Variants in RCAN2 observed in about 807,000 individuals in gnomAD.
The protein encoded by RCAN2 is regulator of calcineurin 2, also known as calcipressin-2.
A neutral mutation model predicts 23.6 loss-of-function variants in RCAN2; 9 were observed. The observed-to-expected ratio is 0.38, with a 90% CI of 0.23 to 0.67. The LOEUF (loss-of-function observed/expected upper bound fraction) is 0.67. RCAN2 is among the 30% of genes least tolerant of loss of function. RCAN2 has a pLI of 0.51. For missense variants in RCAN2, 273 were observed against 302.3 expected (o/e 0.90, Z 0.72); for synonymous variants, 109 against 115.7 (o/e 0.94, Z 0.37).
intron 1 of RCAN2, among the ~76,000 whole-genome samples, chr6:46,484,102 AAAAT>A (rs1392497909): frequency 6.6e-6 from 1 of 152,248 alleles, no homozygotes; most frequent in Non-Finnish European, 1.5e-5. Flanking sequence ...TACAGAAGTC[AAAAT>A]AAATAATCAA....
chr6:46,342,042 C>T (rs1209450404), intron 2 of RCAN2, among the ~76,000 whole-genome samples: 1 of 152,054 alleles, frequency 6.6e-6, no homozygotes, highest in Non-Finnish European at 1.5e-5. Context: ...TGGAGGGCAC[C>T]TTTGGAAATA....
At chr6:46,253,587 TA>T (rs887761919) in intron 2 of RCAN2, among the ~76,000 whole-genome samples, 1 of 152,200 alleles carries the variant, frequency 6.6e-6, no homozygotes, top group Non-Finnish European at 1.5e-5. Context: ...GTTAAAGGGT[TA>T]AAAAAATGAA....
At chr6:46,267,853 CAGA>C (rs1409131735) in intron 2 of RCAN2, among the ~76,000 whole-genome samples, 17 of 151,938 alleles carry the variant, frequency 1.1e-4, no homozygotes, top group Admixed American at 2.0e-4. Flanking sequence ...TTAAGAAAAT[CAGA>C]AGATGTTATA....
chr6:46,427,805 T>C (rs1767075600), intron 2 of RCAN2, among the ~76,000 whole-genome samples: 1 of 152,230 alleles, frequency 6.6e-6, no homozygotes, highest in Non-Finnish European at 1.5e-5. Flanking sequence ...AAGCGTAAGT[T>C]TATGGCAGAC....
intron 2 of RCAN2, among the ~76,000 whole-genome samples, chr6:46,314,449 G>T (rs1440944981): frequency 6.6e-6 from 1 of 150,980 alleles, no homozygotes; most frequent in Non-Finnish European, 1.5e-5. Context: ...AGCCAGAGTA[G>T]GTGTGTAGGT....
At chr6:46,305,872 C>A (rs1279529497) in intron 2 of RCAN2, among the ~76,000 whole-genome samples, 2 of 151,492 alleles carry the variant, frequency 1.3e-5, no homozygotes, top group Non-Finnish European at 2.9e-5. Context: ...GTGAACAAGT[C>A]ATTGGCCCGA....
In RCAN2 at chr6:46,221,603, C is replaced by G. The variant is rs530638031; in HGVS notation, c.*1538G>C. 2.9e-4 allele frequency: 70 copies of G among 242,744 alleles called. No homozygotes were observed. The highest frequency in any genetic ancestry group is 4.9e-4 in the Non-Finnish European group (63 of 127,672). The allele number at this position is 242,744 out of a possible 1,614,324, so 15.0% of individuals were successfully genotyped here. A position where few individuals can be genotyped will look rare whatever the true frequency, so the allele number is the denominator to read the frequency against. Reference sequence around the variant, plus strand: ...CTATATTGCTATATTCACAGTAAAACGGACTTTAATTTCTGAGTGATCAGT... The same window carrying G: ...CTATATTGCTATATTCACAGTAAAAGGGACTTTAATTTCTGAGTGATCAGT... On this transcript the variant is annotated 3_prime_UTR_variant, in exon 5 of 5. Transcript: ENST00000371374.
rs139978711 is a variant in RCAN2, at chr6:46,485,001, G to A, written c.-3+6172C>T. On this transcript the variant is annotated intron_variant, in intron 1 of 4. Coordinates refer to ENST00000371374, the MANE Select transcript of RCAN2 (RefSeq NM_001251974.2). The stretch of plus-strand genomic sequence containing the variant: ...GTGGGAAAGTTCATTAGTATAACCC[G>A]CTAAAAAAACAATTAAAAGCAATGT... 2.3e-3 allele frequency among the ~76,000 whole-genome samples: 352 copies of A among 152,088 alleles called. 1 individual carries two copies. Among genetic ancestry groups the A allele is most frequent in the African/African-American group, 7.1e-3 (295 of 41,486 alleles).
intron 2 of RCAN2, among the ~76,000 whole-genome samples, chr6:46,347,737 A>G (rs1411916006): frequency 1.4e-5 from 2 of 143,488 alleles, no homozygotes; most frequent in Non-Finnish European, 3.1e-5. Flanking sequence ...ATTTCTGCCA[A>G]AACAGAAACA....
chr6:46,305,165 C>T (rs182712410), intron 2 of RCAN2, among the ~76,000 whole-genome samples: 3 of 152,210 alleles, frequency 2.0e-5, no homozygotes, highest in Admixed American at 6.5e-5. Flanking sequence ...GACTTCTCCG[C>T]GGACACAAAG....
At chr6:46,467,601 T>C (rs1582226512) in intron 1 of RCAN2, among the ~76,000 whole-genome samples, 3 of 152,270 alleles carry the variant, frequency 2.0e-5, no homozygotes, top group Admixed American at 2.0e-4. Context: ...AGTGTGAACT[T>C]TGAAGTTGGT....
chr6:46,407,217 C>G (rs928809194), intron 2 of RCAN2, among the ~76,000 whole-genome samples: 1 of 152,212 alleles, frequency 6.6e-6, no homozygotes, highest in Non-Finnish European at 1.5e-5. Flanking sequence ...AAACACAACA[C>G]AGGGAGAGTT....
chr6:46,316,375 G>A (rs536609449), intron 2 of RCAN2, among the ~76,000 whole-genome samples: 2 of 152,336 alleles, frequency 1.3e-5, no homozygotes, highest in South Asian at 2.1e-4. Flanking sequence ...CCGAGGCACA[G>A]AGCAGTAAGG....
At chr6:46,320,042 A>C (rs981638779) in intron 2 of RCAN2, among the ~76,000 whole-genome samples, 2 of 152,202 alleles carry the variant, frequency 1.3e-5, no homozygotes, top group Admixed American at 6.5e-5. Flanking sequence ...ATTACCATGA[A>C]TACCTCTAGA....
At position 46,489,693 on chromosome 6, in the gene RCAN2, C is replaced by G. The variant is rs77427493; in HGVS notation, c.-3+1480G>C. Among the ~76,000 whole-genome samples, 980 of 152,314 alleles carry G rather than the reference C, an allele frequency of 6.4e-3. 8 individuals carry two copies. The highest frequency in any genetic ancestry group is 0.022 in the African/African-American group (934 of 41,554). ...AGGTGAGTTCTGGAGGACCTGCACACACTAAGCATTTTGAGAGCTCTCAGA... is the reference window on the plus strand; with the variant it reads ...AGGTGAGTTCTGGAGGACCTGCACAGACTAAGCATTTTGAGAGCTCTCAGA... On this transcript the variant is annotated intron_variant, in intron 1 of 4. Transcript: ENST00000371374.
intron 2 of RCAN2, among the ~76,000 whole-genome samples, chr6:46,414,037 G>T (rs2150409134): frequency 6.6e-6 from 1 of 152,286 alleles, no homozygotes; most frequent in East Asian, 1.9e-4. Flanking sequence ...TAGCAAGGAG[G>T]TGGGAGTAAT....
chr6:46,443,232 C>T (rs940340190), intron 2 of RCAN2, among the ~76,000 whole-genome samples: 11 of 152,102 alleles, frequency 7.2e-5, no homozygotes, highest in Non-Finnish European at 1.3e-4. Flanking sequence ...ATATTTAAAA[C>T]TAATATTTGG....
intron 2 of RCAN2, among the ~76,000 whole-genome samples, chr6:46,345,088 C>A (rs922705382): frequency 1.3e-4 from 19 of 151,754 alleles, no homozygotes; most frequent in Admixed American, 2.6e-4. Flanking sequence ...ATAAACCTTA[C>A]AAATAGTAAG....
At chr6:46,397,271 T>C (rs1052529115) in intron 2 of RCAN2, among the ~76,000 whole-genome samples, 1 of 151,432 alleles carries the variant, frequency 6.6e-6, no homozygotes, top group African/African-American at 2.4e-5. Context: ...CAAAGGGGGG[T>C]ACCATAGGGG....
Sources: allele counts gnomAD v4.1 joint callset (sites outside exome capture counted in the v4.1 genomes callset), GRCh38; gene constraint gnomAD v4.1.1; transcripts MANE v1.5; gene names NCBI Gene and HGNC (gene_info 2026-07-23, HGNC 2026-07-21).